The following ATP6V1C1 variants were observed in gnomAD, a reference collection of about 807,000 sequenced individuals.
The protein encoded by ATP6V1C1 is V-type proton ATPase subunit C 1.
In ATP6V1C1, 45 loss-of-function variants were observed where a neutral mutation model predicts 53.9. The observed-to-expected ratio is 0.83, with a 90% confidence interval of 0.66 to 1.07. The LOEUF (loss-of-function observed/expected upper bound fraction) is 1.07. ATP6V1C1 is among the 50% of genes least tolerant of loss of function. The pLI is 0.00. For missense variants in ATP6V1C1, 315 were observed against 440.3 expected, an observed-to-expected ratio of 0.72 and a Z score of 2.55; for synonymous variants, 153 against 155.2, an observed-to-expected ratio of 0.99 and a Z score of 0.11.
intron 1 of ATP6V1C1, among the ~76,000 whole-genome samples, chr8:103,026,652 A>C (rs1182493706): frequency 6.6e-6 from 1 of 152,130 alleles, no homozygotes; most frequent in Non-Finnish European, 1.5e-5. Context: ...GTCTCTACTG[A>C]AAATACAAAA....
At chr8:103,055,709 A>G (rs1414381270) in intron 7 of ATP6V1C1, among the ~76,000 whole-genome samples, 159 bp from the exon 8 acceptor site, 1 of 152,156 alleles carries the variant, frequency 6.6e-6, no homozygotes, top group Non-Finnish European at 1.5e-5. Flanking sequence ...TTTGAAATTC[A>G]TTCTCAGTAG....
chr8:103,058,917 T>G (rs1036673483), intron 8 of ATP6V1C1, among the ~76,000 whole-genome samples: 3 of 152,138 alleles, frequency 2.0e-5, no homozygotes, highest in Non-Finnish European at 4.4e-5. Flanking sequence ...GTTCTGCTTT[T>G]TTTTGTTGAA....
chr8:103,022,477 A>C (rs1277125374), intron 1 of ATP6V1C1, among the ~76,000 whole-genome samples: 1 of 152,060 alleles, frequency 6.6e-6, no homozygotes, highest in Non-Finnish European at 1.5e-5. Flanking sequence ...AGGGTTTAGA[A>C]AATTGTCTTT....
At position 103,050,875 on chromosome 8, in the gene ATP6V1C1, A is replaced by G. The variant is rs140883373; in HGVS notation, c.287-175A>G. The stretch of plus-strand genomic sequence containing the variant: ...GTAAGGAGAAGAGATTACAAGGTAG[A>G]AATTTTGATTAATCCATGTTACTTA... On this transcript the variant is annotated intron_variant, in intron 4 of 12. Coordinates refer to ENST00000518738, the MANE Select transcript of ATP6V1C1 (RefSeq NM_001695.5). Among the ~76,000 whole-genome samples, 199 of 152,332 alleles carry G rather than the reference A, an allele frequency of 1.3e-3. 1 individual carries two copies. Among genetic ancestry groups the G allele is most frequent in the African/African-American group, 4.6e-3 (190 of 41,590 alleles).
chr8:103,039,242 A>C (rs1004839673), intron 1 of ATP6V1C1, among the ~76,000 whole-genome samples: 43 of 152,220 alleles, frequency 2.8e-4, no homozygotes, highest in African/African-American at 8.7e-4. Context: ...TTTATATGGT[A>C]GATCCTCTAT....
intron 1 of ATP6V1C1, among the ~76,000 whole-genome samples, chr8:103,034,537 T>C (rs937922353): frequency 6.6e-6 from 1 of 151,860 alleles, no homozygotes; most frequent in African/African-American, 2.4e-5. Flanking sequence ...TGTTTGAAAC[T>C]AAACTTAAAT....
intron 8 of ATP6V1C1, among the ~76,000 whole-genome samples, chr8:103,057,511 C>G (rs1257021700): frequency 6.6e-6 from 1 of 152,200 alleles, no homozygotes; most frequent in African/African-American, 2.4e-5. Context: ...CCTTTTGTTA[C>G]TTAGGCGTGG....
At chr8:103,029,477 A>G (rs748876787) in intron 1 of ATP6V1C1, among the ~76,000 whole-genome samples, 37 of 152,248 alleles carry the variant, frequency 2.4e-4, no homozygotes, top group Non-Finnish European at 4.7e-4. Context: ...CCTGTTGCCC[A>G]GGCTGGTCTT....
intron 1 of ATP6V1C1, among the ~76,000 whole-genome samples, chr8:103,026,878 T>C (rs1816706410): frequency 6.6e-6 from 1 of 152,240 alleles, no homozygotes; most frequent in Admixed American, 6.5e-5. Flanking sequence ...ATCATGGACG[T>C]ATTCCTTGAA....
At chr8:103,048,784 C>A in intron 3 of ATP6V1C1, 86 bp from the exon 4 acceptor site, 1 of 1,126,358 alleles carries the variant, frequency 8.9e-7, no homozygotes, top group Non-Finnish European at 1.3e-6. Flanking sequence ...TAGTCAAATT[C>A]ATGTCTTTAT....
rs1422220143 is a variant in ATP6V1C1, at chr8:103,066,923, G to A, written c.1053+476G>A. On this transcript the variant is annotated intron_variant, in intron 12 of 12. Transcript: ENST00000518738. Reference sequence around the variant, plus strand: ...GGAGGCTGAGGCGGGAGGATCACTTGAGCCCAGGCCTTCGAGACCAACCTG... The same window carrying A: ...GGAGGCTGAGGCGGGAGGATCACTTAAGCCCAGGCCTTCGAGACCAACCTG... Among the ~76,000 whole-genome samples the A allele has an allele frequency of 3.3e-5, 5 of 149,400 alleles. No homozygotes were observed. In the East Asian group the frequency reaches 9.9e-4, roughly 30 times the overall value.
Position 103,048,961 on chromosome 8 carries a change from C to G in ATP6V1C1, c.286+6C>G. The G allele has an allele frequency of 6.2e-7, 1 of 1,609,230 alleles. No individual in the cohort carries two copies. Among genetic ancestry groups the G allele is most frequent in the Non-Finnish European group, 8.5e-7 (1 of 1,176,474 alleles). On this transcript the variant is annotated splice_donor_region_variant and intron_variant, in intron 4 of 12. Transcript: ENST00000518738. ...GAATCTGTTGGCTAATGGAGGTAAG[C>G]TAATGCTCATGATTGATCATTATTA...
chr8:103,054,237 A>G (rs535783740), intron 7 of ATP6V1C1, among the ~76,000 whole-genome samples: 7 of 152,186 alleles, frequency 4.6e-5, no homozygotes, highest in South Asian at 2.1e-4. Context: ...TCATTCAAAC[A>G]TAAGTAATGC....
At chr8:103,057,990 G>A (rs1299866367) in intron 8 of ATP6V1C1, among the ~76,000 whole-genome samples, 1 of 152,160 alleles carries the variant, frequency 6.6e-6, no homozygotes, top group East Asian at 1.9e-4. Context: ...CTGTGTCTAG[G>A]AGGCAGGTAG....
intron 3 of ATP6V1C1, among the ~76,000 whole-genome samples, chr8:103,047,420 AAATGCGCGCGCACACACAC>A: frequency 9.3e-6 from 1 of 107,234 alleles, no homozygotes; most frequent in South Asian, 3.3e-4. Context: ...AAAAAAAAAA[AAATGCGCGCGCACACACAC>A]ACACACACAC....
At position 103,052,622 on chromosome 8, in the gene ATP6V1C1, G is replaced by C. The variant is rs988680222; in HGVS notation, c.382-109G>C. The C allele has an allele frequency of 6.8e-5, 34 of 503,436 alleles. No individual in the cohort carries two copies. In the Middle Eastern group the frequency reaches 1.5e-3, roughly 22 times the overall value. 31.2% of individuals were successfully genotyped at this position (503,436 alleles called of 1,614,324 possible). ...AAAATAATAGAATATTCTTACACTA[G>C]AAACTAGTGGGTTTTTTTGTAGAAG... On this transcript the variant is annotated intron_variant, in intron 5 of 12. Transcript: ENST00000518738.
intron 7 of ATP6V1C1, among the ~76,000 whole-genome samples, chr8:103,054,272 A>G (rs920648000): frequency 6.6e-6 from 1 of 152,092 alleles, no homozygotes; most frequent in Admixed American, 6.6e-5. Context: ...TTTAAAAAAT[A>G]CAGATTTTAG....
intron 6 of ATP6V1C1, 148 bp downstream of exon 6, chr8:103,052,970 A>T: frequency 2.1e-6 from 1 of 469,704 alleles, no homozygotes; most frequent in Non-Finnish European, 3.6e-6. Flanking sequence ...AGAAAAGCTC[A>T]CTAAGGTAAG....
At chr8:103,061,797 A>AT (rs1817402659) in intron 8 of ATP6V1C1, among the ~76,000 whole-genome samples, 1 of 152,212 alleles carries the variant, frequency 6.6e-6, no homozygotes. Context: ...CCTCAGTAAC[A>AT]TTCCCCTGCC....
Sources: gnomAD v4.1 joint callset for allele counts (sites outside exome capture counted in the v4.1 genomes callset) on GRCh38, gnomAD v4.1.1 for gene constraint, MANE v1.5 for transcripts, NCBI Gene and HGNC (gene_info 2026-07-23, HGNC 2026-07-21) for gene names.